SLC24A2: variants seen among roughly 807,000 people sequenced by gnomAD.
SLC24A2 encodes solute carrier family 24 member 2, also known as sodium/potassium/calcium exchanger 2.
Under a neutral mutation model 62.0 loss-of-function variants are expected in SLC24A2, and 36 were observed. The ratio of observed to expected loss-of-function variants is 0.58; its 90% confidence interval spans 0.44 to 0.77. SLC24A2 has a LOEUF of 0.77. Among genes scored for constraint, SLC24A2 ranks in the 30% least tolerant of loss-of-function variants. The pLI, the probability that SLC24A2 is intolerant of heterozygous loss-of-function variation, is 0.00. For missense variants in SLC24A2, 846 were observed against 817.9 expected (o/e 1.03, Z -0.42); for synonymous variants, 358 against 294.0 (o/e 1.22, Z -2.23).
At chr9:20,128,003 C>A in the SLC24A2 span, among the ~76,000 whole-genome samples, 1 of 152,042 alleles carries the variant, frequency 6.6e-6, no homozygotes, top group Admixed American at 6.6e-5. Context: ...AGTAGCATTT[C>A]TACTATGTAG....
At chr9:19,517,549 G>T (rs931483919) in intron 10 of SLC24A2, among the ~76,000 whole-genome samples, 1 of 152,152 alleles carries the variant, frequency 6.6e-6, no homozygotes, top group African/African-American at 2.4e-5. Flanking sequence ...TCCAGGCCTG[G>T]TACATGCAGC....
the SLC24A2 span, among the ~76,000 whole-genome samples, chr9:20,006,466 T>C: frequency 6.6e-6 from 1 of 151,752 alleles, no homozygotes; most frequent in East Asian, 1.9e-4. Flanking sequence ...TAACTAAGAG[T>C]ATAATTGGAT....
the SLC24A2 span, among the ~76,000 whole-genome samples, chr9:20,099,670 C>T: frequency 1.3e-5 from 2 of 152,150 alleles, no homozygotes; most frequent in East Asian, 1.9e-4. Context: ...ATCAACCCTA[C>T]ATAAAACAAT....
chr9:19,517,716 G>A (rs2132625208), intron 10 of SLC24A2, among the ~76,000 whole-genome samples: 1 of 152,118 alleles, frequency 6.6e-6, no homozygotes. Context: ...TGGGAACAAG[G>A]GGTAATTCCA....
intron 2 of SLC24A2, among the ~76,000 whole-genome samples, chr9:19,754,564 A>G (rs1360245114): frequency 6.6e-6 from 1 of 152,038 alleles, no homozygotes; most frequent in Non-Finnish European, 1.5e-5. Context: ...TCAGCCAATC[A>G]GACACTCTCA....
chr9:19,868,094 C>A, the SLC24A2 span, among the ~76,000 whole-genome samples: 26,519 of 151,396 alleles, frequency 0.18, 2,918 homozygotes, highest in South Asian at 0.31. Flanking sequence ...GATTTGAGAT[C>A]TTTCTTCTTT....
At chr9:19,657,718 T>A (rs534193814) in intron 2 of SLC24A2, among the ~76,000 whole-genome samples, 14 of 152,186 alleles carry the variant, frequency 9.2e-5, no homozygotes, top group African/African-American at 3.1e-4. Flanking sequence ...GAACCCTCAG[T>A]CTTTTACTTT....
the SLC24A2 span, chr9:19,957,253 T>C: frequency 1.5e-5 from 2 of 130,094 alleles, no homozygotes; most frequent in South Asian, 5.6e-4. Flanking sequence ...TCTCTAGATC[T>C]AGCCTCAGTT....
intron 2 of SLC24A2, among the ~76,000 whole-genome samples, chr9:19,636,805 A>G (rs537368800): frequency 6.6e-6 from 1 of 152,200 alleles, no homozygotes; most frequent in African/African-American, 2.4e-5. Context: ...AATTTCTGAC[A>G]CCGTCTAGTT....
At chr9:20,021,175 T>C in the SLC24A2 span, among the ~76,000 whole-genome samples, 12 of 152,222 alleles carry the variant, frequency 7.9e-5, no homozygotes, top group African/African-American at 2.4e-4. Flanking sequence ...AATAGAATAA[T>C]TTTTATTTTT....
chr9:20,286,061 G>A, the SLC24A2 span, among the ~76,000 whole-genome samples: 1 of 152,230 alleles, frequency 6.6e-6, no homozygotes, highest in Admixed American at 6.5e-5. Context: ...GGAAGGAAGA[G>A]AAAACAGCTT....
chr9:19,600,837 G>A (rs1836821735), intron 4 of SLC24A2, among the ~76,000 whole-genome samples: 1 of 152,110 alleles, frequency 6.6e-6, no homozygotes, highest in South Asian at 2.1e-4. Context: ...GAGGTGGGCT[G>A]GGGAGGGGGA....
At chr9:20,200,254 T>A in the SLC24A2 span, among the ~76,000 whole-genome samples, 1 of 152,160 alleles carries the variant, frequency 6.6e-6, no homozygotes, top group South Asian at 2.1e-4. Context: ...GCCCACATAT[T>A]TCCAGTGCCA....
chr9:19,871,191 C>A, the SLC24A2 span, among the ~76,000 whole-genome samples: 2 of 152,074 alleles, frequency 1.3e-5, no homozygotes, highest in Non-Finnish European at 2.9e-5. Context: ...ACATGTAATT[C>A]CACTGCCTTC....
chr9:19,618,708 T>C (rs527507499), intron 4 of SLC24A2, among the ~76,000 whole-genome samples: 1 of 152,330 alleles, frequency 6.6e-6, no homozygotes, highest in East Asian at 1.9e-4. Context: ...TCAGATCCCC[T>C]GGCTTCATTC....
chr9:19,640,658 A>G (rs1818469613), intron 2 of SLC24A2, among the ~76,000 whole-genome samples: 1 of 152,230 alleles, frequency 6.6e-6, no homozygotes, highest in Non-Finnish European at 1.5e-5. Flanking sequence ...AATGAACAAA[A>G]TGTCAAGATT....
At chr9:19,732,258 C>A (rs969823241) in intron 2 of SLC24A2, among the ~76,000 whole-genome samples, 1 of 152,128 alleles carries the variant, frequency 6.6e-6, no homozygotes, top group African/African-American at 2.4e-5. Context: ...GGTTTAGCCC[C>A]CCTGGCTGGC....
chr9:19,512,284 A>T lies in SLC24A2; in HGVS notation c.*3869T>A, dbSNP rs1212863790. 2.0e-5 allele frequency: 3 copies of T among 152,240 alleles called. No individual in the cohort carries two copies. In the East Asian group the frequency reaches 5.8e-4, roughly 29 times the overall value. 9.4% of individuals were successfully genotyped at this position (152,240 alleles called of 1,614,324 possible). A position where few individuals can be genotyped will look rare whatever the true frequency, so the allele number is the denominator to read the frequency against. ...TGATTCATGTCTTCCCTATAAAATA[A>T]ATTATGATGGCCCTTGTCAGGTGAC... On this transcript the variant is annotated 3_prime_UTR_variant, in exon 11 of 11. Coordinates refer to ENST00000341998, the MANE Select transcript of SLC24A2 (RefSeq NM_020344.4).
chr9:20,266,053 A>C, the SLC24A2 span, among the ~76,000 whole-genome samples: 1 of 152,170 alleles, frequency 6.6e-6, no homozygotes, highest in Admixed American at 6.5e-5. Flanking sequence ...TATCAATGAC[A>C]ATGCGTGCCC....
Sources: allele counts gnomAD v4.1 joint callset (sites outside exome capture counted in the v4.1 genomes callset), GRCh38; gene constraint gnomAD v4.1.1; transcripts MANE v1.5; gene names NCBI Gene and HGNC (gene_info 2026-07-23, HGNC 2026-07-21).